APBA1: variants seen among roughly 807,000 people sequenced by gnomAD.
APBA1 encodes amyloid-beta A4 precursor protein-binding family A member 1.
A neutral mutation model predicts 86.6 loss-of-function variants in APBA1; 55 were observed. The observed-to-expected ratio is 0.64, with a 90% confidence interval of 0.51 to 0.80. The LOEUF is 0.80. Ranked by LOEUF, APBA1 falls within the 30% of genes least tolerant of loss-of-function variation. The pLI, the probability that APBA1 is intolerant of heterozygous loss-of-function variation, is 0.00. For missense variants in APBA1, 1,090 were observed against 1,183.0 expected (o/e 0.92, Z 1.15); for synonymous variants, 511 against 493.9 (o/e 1.03, Z -0.46).
rs75751435 is a variant in APBA1, at chr9:69,453,194, A to G, written c.1789-893T>C. On this transcript the variant is annotated intron_variant, in intron 8 of 12. Coordinates refer to ENST00000265381, the MANE Select transcript of APBA1 (RefSeq NM_001163.4). ...CCACAATTTGATTATTCTGTGAAAG[A>G]TTTTTCAATAGGGGAGGTTATATTA... is the stretch of plus-strand genomic sequence containing the variant. 4.6e-3 allele frequency among the ~76,000 whole-genome samples: 697 copies of G among 152,206 alleles called. 8 individuals are homozygous for G. Among genetic ancestry groups the G allele is most frequent in the African/African-American group, 0.015 (607 of 41,534 alleles).
At chr9:69,450,524 T>G (rs550847901) in intron 9 of APBA1, among the ~76,000 whole-genome samples, 27 of 152,108 alleles carry the variant, frequency 1.8e-4, no homozygotes, top group Non-Finnish European at 3.5e-4. Context: ...CTTGACAAAG[T>G]CCCCTTCACA....
chr9:69,489,606 A>C (rs144442647), intron 2 of APBA1, among the ~76,000 whole-genome samples: 6,808 of 152,164 alleles, frequency 0.045, 542 homozygotes, highest in African/African-American at 0.15. Context: ...AGAATCTACA[A>C]TGAACTCAAA....
At chr9:69,650,169 T>C (rs532718029) in intron 1 of APBA1, among the ~76,000 whole-genome samples, 1 of 152,302 alleles carries the variant, frequency 6.6e-6, no homozygotes, top group East Asian at 1.9e-4. Context: ...CTGGCTGTGC[T>C]ATCTTGGGCA....
At chr9:69,615,899 C>A (rs1408922883) in intron 1 of APBA1, among the ~76,000 whole-genome samples, 1 of 152,168 alleles carries the variant, frequency 6.6e-6, no homozygotes, top group African/African-American at 2.4e-5. Flanking sequence ...TCAAACTGCT[C>A]AATACCATAA....
At chr9:69,525,807 C>T (rs1007718576) in intron 1 of APBA1, among the ~76,000 whole-genome samples, 1 of 152,128 alleles carries the variant, frequency 6.6e-6, no homozygotes, top group Non-Finnish European at 1.5e-5. Flanking sequence ...CATTACCAGA[C>T]TTCAAACTAT....
chr9:69,632,799 A>G (rs1277936870), intron 1 of APBA1, among the ~76,000 whole-genome samples: 5 of 152,140 alleles, frequency 3.3e-5, no homozygotes, highest in Non-Finnish European at 5.9e-5. Context: ...TTTTCTTTCC[A>G]TTTGCCTCTC....
intron 7 of APBA1, 113 bp from the exon 8 acceptor site, chr9:69,456,545 G>C (rs1409229489): frequency 1.8e-6 from 2 of 1,130,450 alleles, no homozygotes; most frequent in Non-Finnish European, 2.5e-6. Context: ...TGGGCTCCAG[G>C]GCTCACTGCA....
intron 1 of APBA1, among the ~76,000 whole-genome samples, chr9:69,620,713 C>A (rs932905594): frequency 1.3e-5 from 2 of 152,132 alleles, no homozygotes; most frequent in Non-Finnish European, 2.9e-5. Flanking sequence ...CAGAGTGCCA[C>A]CTCTTCCTTC....
chr9:69,620,365 C>G (rs1221547565), intron 1 of APBA1, among the ~76,000 whole-genome samples: 1 of 152,164 alleles, frequency 6.6e-6, no homozygotes, highest in Non-Finnish European at 1.5e-5. Context: ...TTGAGCTTAT[C>G]CCTAGAGACT....
intron 10 of APBA1, among the ~76,000 whole-genome samples, chr9:69,443,968 G>A (rs765754857): frequency 4.6e-5 from 7 of 152,036 alleles, no homozygotes; most frequent in Non-Finnish European, 7.4e-5. Context: ...AGAGTTTTTC[G>A]GGGTTCCTGG....
At chr9:69,443,602 C>T (rs575160744) in intron 10 of APBA1, among the ~76,000 whole-genome samples, 7 of 152,294 alleles carry the variant, frequency 4.6e-5, no homozygotes, top group Middle Eastern at 6.8e-3. Flanking sequence ...ATGACTGTAA[C>T]TACCTGTCAT....
intron 1 of APBA1, among the ~76,000 whole-genome samples, chr9:69,529,144 T>C (rs1265255203): frequency 6.6e-6 from 1 of 152,224 alleles, no homozygotes; most frequent in East Asian, 1.9e-4. Context: ...TTTGTATTCA[T>C]AGATCAGGAA....
chr9:69,655,621 T>C (rs1042682177), intron 1 of APBA1, among the ~76,000 whole-genome samples: 8 of 152,102 alleles, frequency 5.3e-5, no homozygotes, highest in African/African-American at 1.7e-4. Context: ...TGTTCATAAA[T>C]TGGAAGAATT....
chr9:69,600,806 T>TAAACAAATAAATA (rs556966097), intron 1 of APBA1, among the ~76,000 whole-genome samples: 2 of 143,684 alleles, frequency 1.4e-5, no homozygotes, highest in African/African-American at 5.2e-5. Flanking sequence ...CAAAAAATAA[T>TAAACAAATAAATA]AATAAATAAA....
At chr9:69,638,071 T>C (rs566948166) in intron 1 of APBA1, among the ~76,000 whole-genome samples, 1 of 152,364 alleles carries the variant, frequency 6.6e-6, no homozygotes, top group East Asian at 1.9e-4. Flanking sequence ...TATGGTGTTG[T>C]TTCTTTCTTT....
At chr9:69,521,258 T>C (rs182339263) in intron 1 of APBA1, among the ~76,000 whole-genome samples, 2 of 152,318 alleles carry the variant, frequency 1.3e-5, no homozygotes, top group African/African-American at 2.4e-5. Context: ...GACCTTGGGA[T>C]GCTTCACCCC....
Position 69,516,348 on chromosome 9 carries a change from T to C in APBA1, c.863A>G (p.Lys288Arg). 8 of 1,598,460 alleles carry C rather than the reference T, an allele frequency of 5.0e-6. No individual in the cohort carries two copies. The highest frequency in any genetic ancestry group is 6.8e-6 in the Non-Finnish European group (8 of 1,177,730). Residue 288 changes from lysine to arginine, a missense_variant, in exon 2 of 13, where the codon AAG (lysine) becomes AGG (arginine). This residue lies in a region of APBA1 where 678 missense variants were observed against 647.1 expected (regional missense o/e 1.05). Coordinates refer to ENST00000265381, the MANE Select transcript of APBA1 (RefSeq NM_001163.4). The surrounding 1 kb of genome is among the most constrained non-coding windows in gnomAD (Gnocchi z 7.3). ...KQSMSSQSLD[K>R]AAEDMPEAEQ... ...GGCCTCAGGCATGTCCTCGGCTGCC[T>C]TGTCGAGGCTCTGCGAGCTCATGCT...
chr9:69,570,827 C>T (rs111705599), intron 1 of APBA1, among the ~76,000 whole-genome samples: 100 of 152,248 alleles, frequency 6.6e-4, no homozygotes, highest in African/African-American at 1.7e-3. Context: ...ATCCCCACGG[C>T]GATTGATTAC....
At chr9:69,640,373 A>T (rs1015343999) in intron 1 of APBA1, among the ~76,000 whole-genome samples, 1 of 152,144 alleles carries the variant, frequency 6.6e-6, no homozygotes, top group African/African-American at 2.4e-5. Flanking sequence ...CATCTGGGGC[A>T]CAAGTATTCC....
Sources: gnomAD v4.1 joint callset for allele counts (sites outside exome capture counted in the v4.1 genomes callset) on GRCh38, gnomAD v4.1.1 for gene constraint, gnomAD v4.1.1 regional missense constraint, Gnocchi (gnomAD v3.1) non-coding constraint, MANE v1.5 for transcripts, NCBI Gene and HGNC (gene_info 2026-07-23, HGNC 2026-07-21) for gene names.